Variants in ARL15 observed in about 807,000 individuals in gnomAD.
The protein encoded by ARL15 is ARF like GTPase 15.
ARL15 carries 19 observed loss-of-function variants against 25.2 expected under a neutral mutation model. The ratio of observed to expected loss-of-function variants is 0.75; its 90% confidence interval spans 0.53 to 1.10. The LOEUF (loss-of-function observed/expected upper bound fraction) is 1.10. ARL15 is among the 50% of genes least tolerant of loss of function. The pLI is 0.00. For synonymous variants in ARL15, 94 were observed against 86.8 expected (o/e 1.08, Z -0.46); for missense variants, 220 against 246.0 (o/e 0.89, Z 0.71).
chr5:54,154,713 G>A (rs547142588), intron 2 of ARL15, 74 bp from the exon 3 acceptor site: 30 of 852,546 alleles, frequency 3.5e-5, no homozygotes, highest in East Asian at 1.5e-4. Context: ...TGCTCAAATT[G>A]TCTCTTTTTA....
At chr5:53,912,700 G>A (rs1745503776) in intron 4 of ARL15, among the ~76,000 whole-genome samples, 1 of 152,188 alleles carries the variant, frequency 6.6e-6, no homozygotes, top group Non-Finnish European at 1.5e-5. Context: ...TATCATGTGA[G>A]GTCCACAAGA....
At chr5:54,273,104 C>T (rs1421331551) in intron 1 of ARL15, among the ~76,000 whole-genome samples, 1 of 152,170 alleles carries the variant, frequency 6.6e-6, no homozygotes, top group African/African-American at 2.4e-5. Flanking sequence ...CAAAGTTCAG[C>T]AAACCGTACT....
intron 4 of ARL15, among the ~76,000 whole-genome samples, chr5:53,979,733 TG>T (rs1748058907): frequency 6.6e-6 from 1 of 152,156 alleles, no homozygotes; most frequent in Non-Finnish European, 1.5e-5. Context: ...CACATAAAAC[TG>T]GGGGAATTTT....
At chr5:54,092,804 T>C (rs1752170675) in intron 4 of ARL15, among the ~76,000 whole-genome samples, 1 of 152,204 alleles carries the variant, frequency 6.6e-6, no homozygotes, top group Admixed American at 6.5e-5. Context: ...CGGATCTTTA[T>C]TCTGCCAAAT....
intron 4 of ARL15, among the ~76,000 whole-genome samples, chr5:53,911,496 TCATCTGG>T (rs1322095704): frequency 1.3e-5 from 2 of 152,186 alleles, no homozygotes; most frequent in Non-Finnish European, 2.9e-5. Context: ...ATGTTAGATG[TCATCTGG>T]CATTTTTTAA....
intron 4 of ARL15, among the ~76,000 whole-genome samples, chr5:54,087,060 G>T (rs1181774087): frequency 6.6e-6 from 1 of 151,972 alleles, no homozygotes. Context: ...AGAGTCACTG[G>T]GCGTGGTGGC....
intron 1 of ARL15, among the ~76,000 whole-genome samples, chr5:54,269,130 G>C (rs902219558): frequency 3.3e-5 from 5 of 151,984 alleles, no homozygotes; most frequent in African/African-American, 4.8e-5. Flanking sequence ...TAAATGACGA[G>C]TTAATGGGTG....
chr5:54,306,028 T>A (rs938111882), intron 1 of ARL15, among the ~76,000 whole-genome samples: 5 of 152,054 alleles, frequency 3.3e-5, no homozygotes, highest in Admixed American at 1.3e-4. Flanking sequence ...AGCTACCCCC[T>A]CCCCTATGTG....
intron 1 of ARL15, among the ~76,000 whole-genome samples, chr5:54,242,731 C>G (rs1756992239): frequency 6.6e-6 from 1 of 152,310 alleles, no homozygotes; most frequent in South Asian, 2.1e-4. Context: ...AGCAAGTCAA[C>G]TGAATGATGT....
chr5:54,218,703 C>T (rs1756287510), intron 1 of ARL15, among the ~76,000 whole-genome samples: 4 of 152,054 alleles, frequency 2.6e-5, no homozygotes, highest in Admixed American at 2.0e-4. Context: ...CCAAAGACGG[C>T]AATGGCATCA....
intron 1 of ARL15, among the ~76,000 whole-genome samples, chr5:54,221,999 C>A (rs998591724): frequency 2.6e-5 from 4 of 152,044 alleles, no homozygotes; most frequent in Non-Finnish European, 5.9e-5. Flanking sequence ...CTTCCTGTGC[C>A]AAATAAGCAT....
chr5:53,974,279 C>A (rs888557295), intron 4 of ARL15, among the ~76,000 whole-genome samples: 4 of 152,150 alleles, frequency 2.6e-5, no homozygotes, highest in Admixed American at 6.5e-5. Context: ...GTTGTAAGTG[C>A]CTGGGAGTGT....
intron 4 of ARL15, among the ~76,000 whole-genome samples, chr5:54,016,885 C>G (rs555953487): frequency 7.2e-5 from 11 of 152,286 alleles, no homozygotes; most frequent in Admixed American, 6.5e-5. Flanking sequence ...CTATTTCCCT[C>G]CCTCTTATTT....
rs34643850 is a variant in ARL15 at position 54,056,626 on chromosome 5, TAA to T, written c.462+56574_462+56575del. Among the ~76,000 whole-genome samples the T allele has an allele frequency of 6.5e-3, 737 of 112,592 alleles. 12 individuals are homozygous for T. Among genetic ancestry groups the T allele is most frequent in the African/African-American group, 0.019 (647 of 33,914 alleles). The allele number at this position is 112,592 out of a possible 152,430, so 73.9% of individuals were successfully genotyped here. ...GCCTGGGTAACAGAGTAAAACTGTCTAAAAAAAAAAAAAAAAAAGTCTGATTC... is the reference window on the plus strand; with the variant it reads ...GCCTGGGTAACAGAGTAAAACTGTCTAAAAAAAAAAAAAAAAGTCTGATTC... On this transcript the variant is annotated intron_variant, in intron 4 of 4. Transcript: ENST00000504924.
chr5:54,180,958 G>A (rs1055438465), intron 1 of ARL15, among the ~76,000 whole-genome samples: 2 of 152,104 alleles, frequency 1.3e-5, no homozygotes, highest in Non-Finnish European at 2.9e-5. Context: ...CCAGACCCGG[G>A]GCCCACGTGG....
chr5:54,006,223 G>T (rs1014280314), intron 4 of ARL15, among the ~76,000 whole-genome samples: 5 of 151,860 alleles, frequency 3.3e-5, no homozygotes, highest in African/African-American at 1.2e-4. Context: ...TTGTTTCTGG[G>T]CTATAACTGA....
chr5:54,225,878 A>T (rs1756504233), intron 1 of ARL15, among the ~76,000 whole-genome samples: 1 of 152,174 alleles, frequency 6.6e-6, no homozygotes, highest in African/African-American at 2.4e-5. Flanking sequence ...CTCATTGAAA[A>T]AGGAAGCAAG....
At chr5:54,003,781 A>C (rs1000223870) in intron 4 of ARL15, among the ~76,000 whole-genome samples, 2 of 152,140 alleles carry the variant, frequency 1.3e-5, no homozygotes, top group African/African-American at 2.4e-5. Flanking sequence ...CCTCCTTTTA[A>C]AAACGAAAAA....
intron 4 of ARL15, among the ~76,000 whole-genome samples, chr5:53,989,023 T>C (rs1318686189): frequency 2.0e-5 from 3 of 152,172 alleles, no homozygotes; most frequent in African/African-American, 7.2e-5. Context: ...ATGGGCTAGA[T>C]AACCTCTAAA....
Sources: gnomAD v4.1 joint callset for allele counts (sites outside exome capture counted in the v4.1 genomes callset) on GRCh38, gnomAD v4.1.1 for gene constraint, MANE v1.5 for transcripts, NCBI Gene and HGNC (gene_info 2026-07-23, HGNC 2026-07-21) for gene names.